The following TYW1B variants were observed in gnomAD, a reference collection of about 807,000 sequenced individuals.
TYW1B encodes tRNA-yW synthesizing protein 1 homolog B.
In TYW1B, 73 loss-of-function variants were observed where a neutral mutation model predicts 86.9. The observed-to-expected ratio is 0.84, with a 90% confidence interval of 0.70 to 1.02. The LOEUF (loss-of-function observed/expected upper bound fraction) is 1.02. TYW1B is among the 50% of genes least tolerant of loss of function. The probability of loss-of-function intolerance (pLI) is 0.00; values close to 1 mark genes in which losing one functional copy is unlikely to be tolerated. For missense variants in TYW1B, 637 were observed against 827.4 expected (o/e 0.77, Z 2.82); for synonymous variants, 248 against 292.8 (o/e 0.85, Z 1.56).
At position 72,653,601 on chromosome 7, in the gene TYW1B, C is replaced by T. The variant is rs575485640; in HGVS notation, c.1507-24604G>A. Among the ~76,000 whole-genome samples the T allele has an allele frequency of 9.3e-3, 359 of 38,544 alleles. 4 individuals are homozygous for T. Among genetic ancestry groups the T allele is most frequent in the African/African-American group, 0.032 (332 of 10,270 alleles). 25.3% of individuals were successfully genotyped at this position (38,544 alleles called of 152,430 possible). ...CAGCCTGGGCGACAGAGCGAGACTC[C>T]GTCTCAAAAAATAATAATAATAATA... On this transcript the variant is annotated intron_variant, in intron 11 of 13. Coordinates refer to ENST00000620995, the MANE Select transcript of TYW1B (RefSeq NM_001145440.3).
chr7:72,723,565 G>A (rs1389677613), intron 9 of TYW1B, among the ~76,000 whole-genome samples: 1 of 152,106 alleles, frequency 6.6e-6, no homozygotes, highest in Non-Finnish European at 1.5e-5. Context: ...CCAGGAGTTC[G>A]AGATCAGACT....
At chr7:72,778,387 G>C (rs1563091125) in intron 6 of TYW1B, among the ~76,000 whole-genome samples, 1 of 152,166 alleles carries the variant, frequency 6.6e-6, no homozygotes, top group African/African-American at 2.4e-5. Context: ...GCCACCCTGA[G>C]AGCCATCAGC....
chr7:72,771,206 G>A (rs1382581496), intron 7 of TYW1B, among the ~76,000 whole-genome samples: 7 of 151,926 alleles, frequency 4.6e-5, no homozygotes, highest in Middle Eastern at 3.2e-3. Flanking sequence ...CAAATGATCC[G>A]CCCACCTGGC....
chr7:72,620,195 G>C (rs1274543229), intron 12 of TYW1B, among the ~76,000 whole-genome samples: 2 of 152,082 alleles, frequency 1.3e-5, no homozygotes, highest in African/African-American at 4.8e-5. Flanking sequence ...TCAGGAATTC[G>C]AGACCAGCCT....
intron 11 of TYW1B, among the ~76,000 whole-genome samples, chr7:72,641,940 GAAGA>G (rs1446116860): frequency 1.3e-5 from 2 of 152,262 alleles, no homozygotes; most frequent in South Asian, 2.1e-4. Context: ...ATTTGAAAAA[GAAGA>G]AAGAAGATTC....
At chr7:72,700,155 CTTTTTTTTTTTTTTTTT>C (rs587689485) in intron 10 of TYW1B, among the ~76,000 whole-genome samples, 2 of 74,208 alleles carry the variant, frequency 2.7e-5, no homozygotes, top group African/African-American at 1.2e-4. Context: ...AGCTTTTACA[CTTTTTTTTTTTTTTTTT>C]TTTTTTTTTT....
At chr7:72,605,198 G>A (rs1585841632) in intron 13 of TYW1B, among the ~76,000 whole-genome samples, 2 of 152,174 alleles carry the variant, frequency 1.3e-5, no homozygotes, top group Non-Finnish European at 2.9e-5. Context: ...TTCCAGGTAT[G>A]AATAGGGTGA....
chr7:72,603,191 AACAG>A (rs1219466100), intron 13 of TYW1B, among the ~76,000 whole-genome samples: 1 of 150,168 alleles, frequency 6.7e-6, no homozygotes. Context: ...TAGATGGATG[AACAG>A]ACAGACAGAG....
At chr7:72,639,245 A>AC (rs1324352611) in intron 11 of TYW1B, among the ~76,000 whole-genome samples, 17 of 147,456 alleles carry the variant, frequency 1.2e-4, no homozygotes, top group African/African-American at 3.9e-4. Flanking sequence ...ATTTTTTTAA[A>AC]TTTTTTTTAA....
chr7:72,797,200 C>A (rs1297962985), intron 6 of TYW1B, among the ~76,000 whole-genome samples: 1 of 152,118 alleles, frequency 6.6e-6, no homozygotes, highest in African/African-American at 2.4e-5. Context: ...AAGCTGATCA[C>A]CAGAAAGAAA....
intron 7 of TYW1B, among the ~76,000 whole-genome samples, chr7:72,774,194 T>C (rs569909516): frequency 3.6e-4 from 54 of 152,032 alleles, no homozygotes; most frequent in South Asian, 6.2e-4. Flanking sequence ...ATTGTACCTG[T>C]TTCTGCCAGT....
chr7:72,626,375 CTT>C (rs1315349773), intron 12 of TYW1B, among the ~76,000 whole-genome samples: 1 of 151,924 alleles, frequency 6.6e-6, no homozygotes, highest in Admixed American at 6.6e-5. Flanking sequence ...CATCACTTCT[CTT>C]GTCTTGTGGA....
At chr7:72,695,061 A>G (rs1814281842) in intron 10 of TYW1B, among the ~76,000 whole-genome samples, 1 of 152,140 alleles carries the variant, frequency 6.6e-6, no homozygotes, top group Admixed American at 6.5e-5. Context: ...ATTACTTAAA[A>G]TTGGCCCTTC....
At chr7:72,758,216 TAAC>T (rs1234172612) in intron 7 of TYW1B, among the ~76,000 whole-genome samples, 2 of 151,944 alleles carry the variant, frequency 1.3e-5, no homozygotes, top group African/African-American at 2.4e-5. Flanking sequence ...GAAGACTCTC[TAAC>T]AACAACAACA....
intron 10 of TYW1B, among the ~76,000 whole-genome samples, chr7:72,702,624 T>C (rs1298089713): frequency 1.3e-5 from 2 of 152,018 alleles, no homozygotes; most frequent in East Asian, 3.9e-4. Flanking sequence ...TGACCTCAAA[T>C]GATCCGCCCA....
At chr7:72,667,882 T>A (rs1173026225) in intron 11 of TYW1B, among the ~76,000 whole-genome samples, 1 of 152,252 alleles carries the variant, frequency 6.6e-6, no homozygotes, top group African/African-American at 2.4e-5. Context: ...TATTCCCTTG[T>A]GGCTAGCCAG....
rs781829002 is a variant in TYW1B at position 72,807,063 on chromosome 7, T to A, written c.723+3A>T. 6.2e-7 allele frequency: 1 copy of A among 1,611,862 alleles called. No homozygotes were observed. Among genetic ancestry groups the A allele is most frequent in the Non-Finnish European group, 8.5e-7 (1 of 1,178,202 alleles). On this transcript the variant is annotated splice_donor_region_variant and intron_variant, in intron 5 of 13. Transcript: ENST00000620995. ...TCAAGAGATGAACACACAGGCGGTATACCTTGGTGTCTCTGTGATGCAATT... is the reference window on the plus strand; with the variant it reads ...TCAAGAGATGAACACACAGGCGGTAAACCTTGGTGTCTCTGTGATGCAATT...
In TYW1B at chr7:72,694,710, T is replaced by C. The variant is rs1814268835; in HGVS notation, c.1483A>G (p.Ser495Gly). 1 of 1,611,958 alleles carries C rather than the reference T, an allele frequency of 6.2e-7. No individual in the cohort carries two copies. Among genetic ancestry groups the C allele is most frequent in the Admixed American group, 1.7e-5 (1 of 59,524 alleles). ...ACCTTGACTGCCAAGGCTTTTAAACTGTCAAGGAATTGCTGCCAGAAATCC... is the reference window on the plus strand; with the variant it reads ...ACCTTGACTGCCAAGGCTTTTAAACCGTCAAGGAATTGCTGCCAGAAATCC... The part of the protein sequence containing the change: ...FKDFWQQFLD[S>G]LKALAVKQQR... Residue 495 changes from serine (S) to glycine (G), a missense_variant, in exon 11 of 14, where the codon AGT becomes GGT. Coordinates refer to ENST00000620995, the MANE Select transcript of TYW1B (RefSeq NM_001145440.3).
intron 11 of TYW1B, among the ~76,000 whole-genome samples, chr7:72,674,398 C>A (rs533782003): frequency 4.6e-5 from 7 of 152,154 alleles, no homozygotes; most frequent in Non-Finnish European, 7.3e-5. Flanking sequence ...CTAAGCACCA[C>A]AGAGATGAGA....
Sources: allele counts gnomAD v4.1 joint callset (sites outside exome capture counted in the v4.1 genomes callset), GRCh38; gene constraint gnomAD v4.1.1; transcripts MANE v1.5; gene names NCBI Gene and HGNC (gene_info 2026-07-23, HGNC 2026-07-21).